SULT4A1: variants seen among roughly 807,000 people sequenced by gnomAD.
The protein encoded by SULT4A1 is sulfotransferase 4A1.
In SULT4A1, 11 loss-of-function variants were observed where a neutral mutation model predicts 35.2. The ratio of observed to expected loss-of-function variants is 0.31; its 90% CI spans 0.20 to 0.52. The LOEUF (loss-of-function observed/expected upper bound fraction) is 0.52, where lower values mean the gene tolerates loss of function less well. SULT4A1 is among the 20% of genes least tolerant of loss of function. The pLI, the probability that SULT4A1 is intolerant of heterozygous loss-of-function variation, is 0.97. For synonymous variants in SULT4A1, 152 were observed against 151.8 expected (o/e 1.00, Z -0.01); for missense variants, 271 against 383.7 (o/e 0.71, Z 2.45).
At position 43,826,127 on chromosome 22, in the gene SULT4A1, A is replaced by C. The variant is rs757347390; in HGVS notation, c.743-14T>G. 6 of 1,613,544 alleles carry C rather than the reference A, an allele frequency of 3.7e-6. No homozygotes were observed. Among genetic ancestry groups the C allele is most frequent in the Non-Finnish European group, 5.1e-6 (6 of 1,179,838 alleles). ...GCCCAACTCTTCCTGAAACGCAAAC[A>C]AGAGAACTGCTGGGGCCACTTGCTG... On this transcript the variant is annotated splice_polypyrimidine_tract_variant and intron_variant, in intron 6 of 6. Coordinates refer to ENST00000330884, the MANE Select transcript of SULT4A1 (RefSeq NM_014351.4).
Position 43,827,064 on chromosome 22 carries a change from C to T in SULT4A1, c.743-951G>A, listed in dbSNP as rs185497430. The stretch of plus-strand genomic sequence containing the variant: ...TTAGGTTGGTCTAGTCCAATAGCAA[C>T]GGTGACCGTGAAGATGTCTGGGGCG... On this transcript the variant is annotated intron_variant, in intron 6 of 6. Transcript: ENST00000330884. 2.5e-5 allele frequency: 25 copies of T among 985,492 alleles called. No homozygotes were observed. The Admixed American group carries it at 3.7e-4, about 15-fold the overall frequency. 61.0% of individuals were successfully genotyped at this position (985,492 alleles called of 1,614,324 possible). A position where few individuals can be genotyped will look rare whatever the true frequency, so the allele number is the denominator to read the frequency against.
chr22:43,833,676 C>G lies in SULT4A1; in HGVS notation c.567G>C (p.Ser189=). 3 of 1,594,056 alleles carry G rather than the reference C, an allele frequency of 1.9e-6. No homozygotes were observed. The highest frequency in any genetic ancestry group is 2.6e-6 in the Non-Finnish European group (3 of 1,170,050). ...VQEFWEHRMD[S]NVLFLKYEDM... ...CTTCATACTTGAGAAAAAGCACGTT[C>G]GAGTCCATGCGGTGCTCCCAGAACT... Residue 189 remains serine, a synonymous_variant, in exon 5 of 7, where the codon TCG becomes TCC. Transcript: ENST00000330884.
chr22:43,859,107 C>G (rs929551516), intron 1 of SULT4A1, among the ~76,000 whole-genome samples: 8 of 152,232 alleles, frequency 5.3e-5, no homozygotes, highest in Non-Finnish European at 1.2e-4. Context: ...CTTCTGAAAC[C>G]TGTCTCTCCC....
chr22:43,852,203 G>A (rs1398327723), intron 1 of SULT4A1, among the ~76,000 whole-genome samples: 2 of 152,056 alleles, frequency 1.3e-5, no homozygotes, highest in East Asian at 3.9e-4. Flanking sequence ...TGTTTTTGGA[G>A]GCAGGGTCTC....
intron 1 of SULT4A1, among the ~76,000 whole-genome samples, chr22:43,850,823 G>T (rs991812000): frequency 6.6e-6 from 1 of 152,066 alleles, no homozygotes; most frequent in East Asian, 1.9e-4. Context: ...GCTGGAGATC[G>T]CTTTCCGTCA....
chr22:43,830,690 A>T (rs1603404080), intron 5 of SULT4A1, among the ~76,000 whole-genome samples: 3 of 152,206 alleles, frequency 2.0e-5, no homozygotes, highest in Admixed American at 2.0e-4. Context: ...ACCCTGCAAG[A>T]TGACTGAGGA....
intron 5 of SULT4A1, among the ~76,000 whole-genome samples, chr22:43,829,606 G>A (rs2063311061): frequency 2.6e-5 from 4 of 152,230 alleles, no homozygotes; most frequent in Non-Finnish European, 4.4e-5. Flanking sequence ...AGCGCAGGGA[G>A]GCCCCTCTGG....
At chr22:43,834,284 C>T (rs1366784493) in intron 4 of SULT4A1, among the ~76,000 whole-genome samples, 1 of 151,514 alleles carries the variant, frequency 6.6e-6, no homozygotes, top group Non-Finnish European at 1.5e-5. Flanking sequence ...ACCCACACCG[C>T]GGCCCTGTGC....
At chr22:43,851,593 CAA>C (rs976173322) in intron 1 of SULT4A1, among the ~76,000 whole-genome samples, 1 of 152,136 alleles carries the variant, frequency 6.6e-6, no homozygotes, top group Non-Finnish European at 1.5e-5. Context: ...GTCAATTTCT[CAA>C]AAGAGGGTGC....
intron 1 of SULT4A1, among the ~76,000 whole-genome samples, chr22:43,848,094 C>A (rs564207981): frequency 1.3e-5 from 2 of 152,178 alleles, no homozygotes; most frequent in South Asian, 4.2e-4. Flanking sequence ...ACCCACCCAG[C>A]GAGCCTTTTA....
In SULT4A1 at chr22:43,829,085, G is replaced by A. The variant is rs778676756; in HGVS notation, c.717C>T (p.Asn239=). Residue 239 remains asparagine (N), a synonymous_variant, in exon 6 of 7, where the codon AAC becomes AAT. Coordinates refer to ENST00000330884, the MANE Select transcript of SULT4A1 (RefSeq NM_014351.4). Reference sequence around the variant, plus strand: ...CCCGGCCCACGGGCAGGGCCTCAGCGTTGCAGCACTGGTCCACCAGCTGGT... The same window carrying A: ...CCCGGCCCACGGGCAGGGCCTCAGCATTGCAGCACTGGTCCACCAGCTGGT... ...HCHQLVDQCC[N]AEALPVGRGR... 65 of 1,545,560 alleles carry A rather than the reference G, an allele frequency of 4.2e-5. No homozygotes were observed. The highest frequency in any genetic ancestry group is 1.7e-4 in the Middle Eastern group (1 of 5,970).
intron 1 of SULT4A1, among the ~76,000 whole-genome samples, chr22:43,852,612 G>A (rs1446772047): frequency 6.6e-6 from 1 of 152,036 alleles, no homozygotes; most frequent in African/African-American, 2.4e-5. Context: ...AAAGGAAAAG[G>A]AAAAGGTGAA....
chr22:43,828,804 G>T, intron 6 of SULT4A1: 1 of 437,592 alleles, frequency 2.3e-6, no homozygotes, highest in Non-Finnish European at 4.0e-6. Context: ...AGCCTGAAAT[G>T]CACTTTTTCA....
At position 43,862,257 on chromosome 22, in the gene SULT4A1, C is replaced by A; in HGVS notation, c.126G>T (p.Pro42=). 6.4e-7 allele frequency: 1 copy of A among 1,569,712 alleles called. No homozygotes were observed. The highest frequency in any genetic ancestry group is 1.4e-5 in the African/African-American group (1 of 71,392). ...RGKMEEIANF[P]VRPSDVWIVT... ...CGATCCACACGTCGCTGGGCCGCACCGGGAAGTTGGCGATCTCCTCCATCT... is the reference window on the plus strand; with the variant it reads ...CGATCCACACGTCGCTGGGCCGCACAGGGAAGTTGGCGATCTCCTCCATCT... The change falls in exon 1 of 7, where the codon CCG becomes CCT. Residue 42 remains proline (P), a synonymous_variant. Coordinates refer to ENST00000330884, the MANE Select transcript of SULT4A1 (RefSeq NM_014351.4).
intron 1 of SULT4A1, 62 bp downstream of exon 1, chr22:43,862,152 C>T: frequency 1.5e-6 from 2 of 1,296,382 alleles, no homozygotes; most frequent in Non-Finnish European, 2.0e-6. Flanking sequence ...GGCGCGGCGT[C>T]TACGCGGCCG....
rs1390261107 is a variant in SULT4A1 at position 43,825,955 on chromosome 22, G to C, written c.*46C>G. Reference sequence around the variant, plus strand: ...TGAATGCATACAGGACTTTTGGCTAGTAGACTGTCTGGGTATTGTGAGCAT... The same window carrying C: ...TGAATGCATACAGGACTTTTGGCTACTAGACTGTCTGGGTATTGTGAGCAT... On this transcript the variant is annotated 3_prime_UTR_variant, in exon 7 of 7. Transcript: ENST00000330884. 1 of 1,581,392 alleles carries C rather than the reference G, an allele frequency of 6.3e-7. No individual in the cohort carries two copies. The highest frequency in any genetic ancestry group is 1.7e-5 in the Admixed American group (1 of 58,864).
intron 3 of SULT4A1, among the ~76,000 whole-genome samples, chr22:43,839,336 G>A (rs1054243709): frequency 2.0e-5 from 3 of 152,250 alleles, no homozygotes; most frequent in African/African-American, 4.8e-5. Flanking sequence ...GCTCGCATCT[G>A]TAATCCCAGC....
At chr22:43,833,783 G>C in intron 4 of SULT4A1, 49 bp from the exon 5 acceptor site, 2 of 1,481,570 alleles carry the variant, frequency 1.3e-6, no homozygotes, top group South Asian at 1.2e-5. Flanking sequence ...CAGGAGAAGC[G>C]CACACATGGG....
At chr22:43,840,950 T>TC (rs990686315) in intron 2 of SULT4A1, among the ~76,000 whole-genome samples, 2 of 151,916 alleles carry the variant, frequency 1.3e-5, no homozygotes, top group African/African-American at 4.8e-5. Flanking sequence ...AGACTGCTGG[T>TC]CCCCCCCTGA....
Sources: gnomAD v4.1 joint callset for allele counts (sites outside exome capture counted in the v4.1 genomes callset) on GRCh38, gnomAD v4.1.1 for gene constraint, MANE v1.5 for transcripts, NCBI Gene and HGNC (gene_info 2026-07-23, HGNC 2026-07-21) for gene names.